The following AFAP1L1 variants were observed in gnomAD, a reference collection of about 807,000 sequenced individuals.
AFAP1L1 encodes actin filament-associated protein 1-like 1.
Under a neutral mutation model 99.8 loss-of-function variants are expected in AFAP1L1, and 77 were observed. The observed-to-expected ratio is 0.77, with a 90% CI of 0.64 to 0.93. The LOEUF (loss-of-function observed/expected upper bound fraction) is 0.93. AFAP1L1 is among the 40% of genes least tolerant of loss of function. AFAP1L1 has a pLI of 0.00. For missense variants in AFAP1L1, 893 were observed against 996.8 expected (o/e 0.90, Z 1.40); for synonymous variants, 373 against 395.3 (o/e 0.94, Z 0.67).
chr5:149,276,179 CA>C (rs1168064547), intron 1 of AFAP1L1, among the ~76,000 whole-genome samples: 1 of 152,214 alleles, frequency 6.6e-6, no homozygotes, highest in Non-Finnish European at 1.5e-5. Context: ...ATCTCCATGG[CA>C]CTTAAGCTGC....
intron 1 of AFAP1L1, among the ~76,000 whole-genome samples, chr5:149,281,767 C>T (rs1033258758): frequency 6.6e-6 from 1 of 152,062 alleles, no homozygotes; most frequent in African/African-American, 2.4e-5. Flanking sequence ...AGGGTTATCT[C>T]CAGGTTAGAT....
intron 4 of AFAP1L1, among the ~76,000 whole-genome samples, 196 bp downstream of exon 4, chr5:149,301,426 T>C (rs1756208262): frequency 6.6e-6 from 1 of 152,136 alleles, no homozygotes; most frequent in Non-Finnish European, 1.5e-5. Context: ...GTGTTTTTTT[T>C]CTTATTTATT....
chr5:149,300,056 A>G (rs114891371), intron 2 of AFAP1L1, among the ~76,000 whole-genome samples: 1 of 152,294 alleles, frequency 6.6e-6, no homozygotes, highest in African/African-American at 2.4e-5. Context: ...CTGTTTCCAT[A>G]CTGGGCTTCT....
chr5:149,311,333 G>C (rs924255341), intron 8 of AFAP1L1, among the ~76,000 whole-genome samples: 1 of 152,328 alleles, frequency 6.6e-6, no homozygotes, highest in Admixed American at 6.5e-5. Context: ...CGAATCCCTA[G>C]ACTGGAGTTA....
intron 1 of AFAP1L1, among the ~76,000 whole-genome samples, chr5:149,281,848 G>A (rs895900756): frequency 6.6e-6 from 1 of 152,144 alleles, no homozygotes; most frequent in Admixed American, 6.5e-5. Context: ...GGAGGGTGCC[G>A]AGAAGACGAG....
At chr5:149,328,316 C>T (rs905084017) in intron 15 of AFAP1L1, among the ~76,000 whole-genome samples, 7 of 151,588 alleles carry the variant, frequency 4.6e-5, no homozygotes, top group African/African-American at 1.2e-4. Context: ...CTCTGTATAG[C>T]GCACAAAAAA....
At chr5:149,291,134 G>A (rs1450741988) in intron 1 of AFAP1L1, among the ~76,000 whole-genome samples, 1 of 152,192 alleles carries the variant, frequency 6.6e-6, no homozygotes, top group East Asian at 1.9e-4. Flanking sequence ...GGATGTTACT[G>A]GCTGGCAGCG....
intron 18 of AFAP1L1, among the ~76,000 whole-genome samples, chr5:149,337,755 A>AATATATACATAT (rs1286131536): frequency 6.6e-6 from 1 of 152,152 alleles, no homozygotes; most frequent in Admixed American, 6.5e-5. Context: ...TACAACTACA[A>AATATATACATAT]ATATATACAT....
chr5:149,307,699 C>T, intron 7 of AFAP1L1, 86 bp downstream of exon 7: 3 of 1,395,064 alleles, frequency 2.2e-6, no homozygotes, highest in Non-Finnish European at 3.0e-6. Context: ...ATATGTCTGC[C>T]TTGGGCATAC....
intron 5 of AFAP1L1, among the ~76,000 whole-genome samples, chr5:149,305,391 C>T (rs1032191498): frequency 3.3e-5 from 5 of 152,222 alleles, no homozygotes; most frequent in African/African-American, 1.2e-4. Flanking sequence ...CTTTTAAAAA[C>T]ATCATTGAAT....
At chr5:149,330,511 A>C (rs953874419) in intron 16 of AFAP1L1, among the ~76,000 whole-genome samples, 7 of 152,214 alleles carry the variant, frequency 4.6e-5, no homozygotes, top group Non-Finnish European at 8.8e-5. Flanking sequence ...AATGCTGCAA[A>C]AAAAAGTTCA....
chr5:149,272,324 C>G (rs1229098298), intron 1 of AFAP1L1, among the ~76,000 whole-genome samples: 3 of 152,216 alleles, frequency 2.0e-5, no homozygotes, highest in Non-Finnish European at 4.4e-5. Flanking sequence ...AAGGGGAAAA[C>G]AAGGTGTACA....
chr5:149,334,487 GT>G (rs756123285), intron 17 of AFAP1L1, among the ~76,000 whole-genome samples: 48 of 152,254 alleles, frequency 3.2e-4, no homozygotes, highest in Admixed American at 1.7e-3. Flanking sequence ...TTCCTTGCAG[GT>G]TTAGCTGTTA....
intron 8 of AFAP1L1, 111 bp from the exon 9 acceptor site, chr5:149,312,001 C>A: frequency 1.0e-6 from 1 of 953,712 alleles, no homozygotes; most frequent in Non-Finnish European, 1.6e-6. Context: ...ATCTGTTCCC[C>A]ACAGTGGCCC....
At chr5:149,332,618 A>G in intron 16 of AFAP1L1, 77 bp from the exon 17 acceptor site, 1 of 1,498,036 alleles carries the variant, frequency 6.7e-7, no homozygotes, top group Non-Finnish European at 9.0e-7. Flanking sequence ...GGGGCAGACA[A>G]AGGCCTGAGG....
chr5:149,272,946 G>C (rs937211044), intron 1 of AFAP1L1, among the ~76,000 whole-genome samples: 1 of 152,064 alleles, frequency 6.6e-6, no homozygotes, highest in Non-Finnish European at 1.5e-5. Flanking sequence ...CAGGTGATCA[G>C]CCGGCCCCGG....
chr5:149,304,586 G>A (rs1156488785), intron 5 of AFAP1L1, among the ~76,000 whole-genome samples: 4 of 152,230 alleles, frequency 2.6e-5, no homozygotes, highest in Non-Finnish European at 4.4e-5. Context: ...GAGGGCTTCA[G>A]GAAGGGCCAG....
chr5:149,330,200 T>C (rs964138782), intron 16 of AFAP1L1, among the ~76,000 whole-genome samples: 4 of 152,206 alleles, frequency 2.6e-5, no homozygotes, highest in African/African-American at 7.2e-5. Context: ...TTCACAGATA[T>C]ATGTGAGACA....
chr5:149,276,345 A>G (rs919868802), intron 1 of AFAP1L1, among the ~76,000 whole-genome samples: 2 of 152,278 alleles, frequency 1.3e-5, no homozygotes, highest in African/African-American at 4.8e-5. Flanking sequence ...AAAAGGATTC[A>G]TAAAGCACAG....
Sources: gnomAD v4.1 joint callset for allele counts (sites outside exome capture counted in the v4.1 genomes callset) on GRCh38, gnomAD v4.1.1 for gene constraint, MANE v1.5 for transcripts, NCBI Gene and HGNC (gene_info 2026-07-23, HGNC 2026-07-21) for gene names.